The following GRM7 variants were observed in gnomAD, a reference collection of about 807,000 sequenced individuals.
GRM7 encodes the protein metabotropic glutamate receptor 7.
GRM7 carries 35 observed loss-of-function variants against 84.5 expected under a neutral mutation model. The ratio of observed to expected loss-of-function variants is 0.41; its 90% confidence interval spans 0.32 to 0.55. The LOEUF is 0.55. GRM7 is among the 20% of genes least tolerant of loss of function. The pLI is 0.19. For missense variants in GRM7, 1,003 were observed against 1,194.6 expected, an observed-to-expected ratio of 0.84 and a Z score of 2.36; for synonymous variants, 487 against 455.1, an observed-to-expected ratio of 1.07 and a Z score of -0.89.
intron 5 of GRM7, among the ~76,000 whole-genome samples, chr3:7,420,699 T>C (rs2124826033): frequency 6.6e-6 from 1 of 152,286 alleles, no homozygotes; most frequent in East Asian, 1.9e-4. Flanking sequence ...TTGTTTCTAA[T>C]TGTGGGAACT....
At chr3:7,488,304 T>C (rs939645642) in intron 7 of GRM7, among the ~76,000 whole-genome samples, 1 of 152,122 alleles carries the variant, frequency 6.6e-6, no homozygotes, top group Non-Finnish European at 1.5e-5. Context: ...ATGAGGAGAA[T>C]GTGAATTTCC....
chr3:7,189,541 A>G (rs565769557), intron 2 of GRM7, among the ~76,000 whole-genome samples: 20 of 152,308 alleles, frequency 1.3e-4, no homozygotes, highest in African/African-American at 4.8e-4. Context: ...TACTGTTGTT[A>G]TGCTCTTAAA....
chr3:7,314,753 G>A (rs1428775616), intron 4 of GRM7, among the ~76,000 whole-genome samples: 1 of 152,032 alleles, frequency 6.6e-6, no homozygotes, highest in Non-Finnish European at 1.5e-5. Context: ...TAAGTCCAAT[G>A]TCTGGGCTTC....
At chr3:7,249,854 C>T (rs1559527160) in intron 2 of GRM7, among the ~76,000 whole-genome samples, 1 of 152,142 alleles carries the variant, frequency 6.6e-6, no homozygotes. Flanking sequence ...CAGGGGCCTG[C>T]ACTAATACTA....
At chr3:7,371,386 G>A (rs1375872732) in intron 4 of GRM7, among the ~76,000 whole-genome samples, 1 of 152,158 alleles carries the variant, frequency 6.6e-6, no homozygotes, top group Non-Finnish European at 1.5e-5. Context: ...ATAGCTTGGT[G>A]AGAGACTTAG....
At chr3:7,440,573 G>A (rs566841074) in intron 5 of GRM7, among the ~76,000 whole-genome samples, 2 of 152,180 alleles carry the variant, frequency 1.3e-5, no homozygotes, top group South Asian at 2.1e-4. Context: ...GAGTGTCGTC[G>A]GGGCTTGGTG....
At chr3:7,072,855 G>T (rs1311675252) in intron 1 of GRM7, among the ~76,000 whole-genome samples, 1 of 152,094 alleles carries the variant, frequency 6.6e-6, no homozygotes, top group Non-Finnish European at 1.5e-5. Context: ...ACATTTCTTT[G>T]TTTGAGGGGC....
intron 1 of GRM7, among the ~76,000 whole-genome samples, chr3:7,020,309 C>G (rs1336533077): frequency 6.6e-6 from 1 of 152,132 alleles, no homozygotes; most frequent in Non-Finnish European, 1.5e-5. Context: ...AAAGGCAACA[C>G]TATGGAGACA....
chr3:7,036,385 A>G (rs11712297), intron 1 of GRM7, among the ~76,000 whole-genome samples: 73,048 of 152,036 alleles, frequency 0.48, 18,189 homozygotes, highest in South Asian at 0.6. Flanking sequence ...GATGTGCCTC[A>G]TATGTCTCTG....
intron 1 of GRM7, among the ~76,000 whole-genome samples, chr3:7,142,196 A>AAGGAAGG (rs1366221190): frequency 2.0e-5 from 3 of 152,048 alleles, no homozygotes; most frequent in Non-Finnish European, 4.4e-5. Flanking sequence ...GGGAGGATGG[A>AAGGAAGG]AGGAAGGGAA....
intron 8 of GRM7, among the ~76,000 whole-genome samples, chr3:7,624,607 G>A (rs1697517875): frequency 6.6e-6 from 1 of 152,064 alleles, no homozygotes; most frequent in Admixed American, 6.6e-5. Flanking sequence ...TACAAATTTA[G>A]TTATCATAAT....
intron 8 of GRM7, among the ~76,000 whole-genome samples, chr3:7,662,781 T>C (rs1351101801): frequency 1.3e-5 from 2 of 152,258 alleles, no homozygotes; most frequent in Non-Finnish European, 2.9e-5. Context: ...CTTTGTCCTA[T>C]GTCAAATTTT....
chr3:7,676,269 CAA>C (rs1700117831), intron 8 of GRM7, among the ~76,000 whole-genome samples: 2 of 152,050 alleles, frequency 1.3e-5, no homozygotes, highest in African/African-American at 4.8e-5. Flanking sequence ...CACCAAAAGC[CAA>C]AGAGTCAGTA....
intron 1 of GRM7, among the ~76,000 whole-genome samples, chr3:7,047,115 A>T (rs1233594480): frequency 6.6e-6 from 1 of 152,032 alleles, no homozygotes; most frequent in African/African-American, 2.4e-5. Flanking sequence ...TCTATGAGTC[A>T]AATCTGCCCC....
intron 1 of GRM7, among the ~76,000 whole-genome samples, chr3:6,904,000 T>C (rs1306438756): frequency 2.0e-5 from 3 of 152,168 alleles, no homozygotes; most frequent in African/African-American, 7.2e-5. Flanking sequence ...GGTGTTCGTT[T>C]ATGTTCAGAT....
intron 1 of GRM7, among the ~76,000 whole-genome samples, chr3:6,968,061 T>C (rs1693596987): frequency 6.6e-6 from 1 of 152,164 alleles, no homozygotes; most frequent in Non-Finnish European, 1.5e-5. Context: ...ACAAACTGGG[T>C]GGGCTTGAAC....
chr3:7,225,267 C>A (rs952701822), intron 2 of GRM7, among the ~76,000 whole-genome samples: 8 of 151,160 alleles, frequency 5.3e-5, no homozygotes, highest in Non-Finnish European at 1.0e-4. Context: ...TACCAATTTA[C>A]AATATTTTAG....
chr3:7,333,597 C>G (rs930308960), intron 4 of GRM7, among the ~76,000 whole-genome samples: 3 of 152,008 alleles, frequency 2.0e-5, no homozygotes, highest in Non-Finnish European at 4.4e-5. Flanking sequence ...CACTAGCTCT[C>G]CAGCAATGGA....
At chr3:7,712,872 T>C (rs1322354717) in intron 9 of GRM7, among the ~76,000 whole-genome samples, 3 of 152,180 alleles carry the variant, frequency 2.0e-5, no homozygotes, top group African/African-American at 7.2e-5. Flanking sequence ...TTTCAGCTTC[T>C]GGCAGCCCCA....
Sources: allele counts gnomAD v4.1 joint callset (sites outside exome capture counted in the v4.1 genomes callset), GRCh38; gene constraint gnomAD v4.1.1; transcripts MANE v1.5; gene names NCBI Gene and HGNC (gene_info 2026-07-23, HGNC 2026-07-21).